The following DNMT1 variants were observed in gnomAD, a reference collection of about 807,000 sequenced individuals.
DNMT1 encodes the protein DNA methyltransferase 1.
Under a neutral mutation model 205.3 loss-of-function variants are expected in DNMT1, and 24 were observed. The ratio of observed to expected loss-of-function variants is 0.12; its 90% CI spans 0.08 to 0.16. The LOEUF is 0.16. DNMT1 is among the 10% of genes least tolerant of loss of function. The probability of loss-of-function intolerance (pLI) is 1.00; values close to 1 mark genes in which losing one functional copy is unlikely to be tolerated. For missense variants in DNMT1, 1,293 were observed against 2,177.7 expected (o/e 0.59, Z 8.09); for synonymous variants, 817 against 839.8 (o/e 0.97, Z 0.47).
At position 10,135,826 on chromosome 19, in the gene DNMT1, G is replaced by T; in HGVS notation, c.4683C>A (p.His1561Gln). Residue 1561 changes from histidine to glutamine, a missense_variant, in exon 39 of 41, where the codon CAC becomes CAA. Physicochemically the swap from His to Gln is conservative, Grantham distance 24. Transcript: ENST00000359526. ...CACACTCCCGCACGCTCACCACACG[G>T]TGCTGCTCTGGGTGGAGCACGCGGC... ...KQGRVLHPEQ[H>Q]RVVSVRECAR... 6.4e-7 allele frequency: 1 copy of T among 1,564,366 alleles called. No homozygotes were observed. Among genetic ancestry groups the T allele is most frequent in the Non-Finnish European group, 8.6e-7 (1 of 1,156,868 alleles).
At chr19:10,194,772 G>T (rs1259137056) in intron 1 of DNMT1, 48 bp downstream of exon 1, 1 of 1,567,930 alleles carries the variant, frequency 6.4e-7, no homozygotes. Context: ...CCCCCACCCA[G>T]CGCCCTGCCT....
At chr19:10,184,860 G>C (rs959229956) in intron 1 of DNMT1, among the ~76,000 whole-genome samples, 1 of 152,226 alleles carries the variant, frequency 6.6e-6, no homozygotes, top group African/African-American at 2.4e-5. Flanking sequence ...CGCACAGACA[G>C]GTGCTCAGTT....
chr19:10,163,169 C>A (rs1173927085), intron 12 of DNMT1, among the ~76,000 whole-genome samples, 157 bp downstream of exon 12: 1 of 151,856 alleles, frequency 6.6e-6, no homozygotes, highest in Non-Finnish European at 1.5e-5. Flanking sequence ...ACCATGTTGG[C>A]CAGGCTAGGC....
chr19:10,148,246 C>G (rs896222491), intron 27 of DNMT1, among the ~76,000 whole-genome samples: 1 of 151,142 alleles, frequency 6.6e-6, no homozygotes, highest in Non-Finnish European at 1.5e-5. Flanking sequence ...CCTGTAATCC[C>G]AGCACTTTGG....
chr19:10,146,212 G>C lies in DNMT1; in HGVS notation c.2894+139C>G. ...TCTACACGATTTATGTTGTCTGTTTGCCACCTATGCCAACGTGACGGCTAG... is the reference window on the plus strand; with the variant it reads ...TCTACACGATTTATGTTGTCTGTTTCCCACCTATGCCAACGTGACGGCTAG... On this transcript the variant is annotated intron_variant, in intron 28 of 40. Transcript: ENST00000359526. This position sits in a 1 kb window ranked among gnomAD's most constrained non-coding sequence, Gnocchi z 4.4. 1 of 984,136 alleles carries C rather than the reference G, an allele frequency of 1.0e-6. No individual in the cohort carries two copies. Among genetic ancestry groups the C allele is most frequent in the Non-Finnish European group, 1.5e-6 (1 of 670,810 alleles). The allele number at this position is 984,136 out of a possible 1,614,324, so 61.0% of individuals were successfully genotyped here.
chr19:10,173,052 A>G, intron 9 of DNMT1, 38 bp downstream of exon 9: 1 of 1,611,694 alleles, frequency 6.2e-7, no homozygotes, highest in South Asian at 1.1e-5. Context: ...TATAGGATTA[A>G]GGGAGAATTA....
rs759105100 is a variant in DNMT1, at chr19:10,138,623, G to C, written c.3949-18C>G. On this transcript the variant is annotated intron_variant, in intron 34 of 40. Transcript: ENST00000359526. The surrounding 1 kb of genome is among the most constrained non-coding windows in gnomAD (Gnocchi z 4.1). The stretch of plus-strand genomic sequence containing the variant: ...TGACCGGCCTGTGGGGGAGAAGGAC[G>C]GACAACCCCACCGTCAGTGGGACAC... 1.2e-4 allele frequency: 194 copies of C among 1,598,008 alleles called. No individual in the cohort carries two copies. The highest frequency in any genetic ancestry group is 1.6e-4 in the Non-Finnish European group (184 of 1,179,072).
At chr19:10,163,504 G>C in intron 11 of DNMT1, 144 bp from the exon 12 acceptor site, 1 of 800,088 alleles carries the variant, frequency 1.2e-6, no homozygotes, top group Non-Finnish European at 2.1e-6. Context: ...GGCCTGGGCA[G>C]ATCTACCGGG....
rs530618949 is a variant in DNMT1, at chr19:10,164,404, A to G, written c.892-1044T>C. ...GTGATCCGCCCACCTCAGTGTCCCA[A>G]AATGCTGGGATTATAGGCGTGAGAC... On this transcript the variant is annotated intron_variant, in intron 11 of 40. Transcript: ENST00000359526. Among the ~76,000 whole-genome samples the G allele has an allele frequency of 8.1e-4, 124 of 152,270 alleles. 2 individuals carry two copies. The highest frequency in any genetic ancestry group is 2.7e-3 in the African/African-American group (114 of 41,574).
rs965886119 is a variant in DNMT1 at position 10,139,824 on chromosome 19, G to C, written c.3807-7C>G. On this transcript the variant is annotated splice_polypyrimidine_tract_variant and splice_region_variant and intron_variant, in intron 33 of 40. Coordinates refer to ENST00000359526, the MANE Select transcript of DNMT1 (RefSeq NM_001130823.3). Reference sequence around the variant, plus strand: ...CCGGTAGTAGTCGCAGTAGCTGTAGGGGGCAGGAGAGACTGCAGGAGTCAC... The same window carrying C: ...CCGGTAGTAGTCGCAGTAGCTGTAGCGGGCAGGAGAGACTGCAGGAGTCAC... The C allele has an allele frequency of 1.0e-5, 16 of 1,572,098 alleles. No homozygotes were observed. The highest frequency in any genetic ancestry group is 1.2e-5 in the Non-Finnish European group (14 of 1,158,482).
At position 10,133,739 on chromosome 19, in the gene DNMT1, AC is replaced by A; in HGVS notation, c.4865-39del. On this transcript the variant is annotated intron_variant, in intron 40 of 40. Transcript: ENST00000359526. The surrounding 1 kb of genome is among the most constrained non-coding windows in gnomAD (Gnocchi z 4.1). ...AAAAGGAAAAGTCACTCTGGGGAAC[AC>A]GCCCGGTGTCACGCCACTTGACAGG... 1 of 1,567,734 alleles carries A rather than the reference AC, an allele frequency of 6.4e-7. No homozygotes were observed.
In DNMT1 at chr19:10,177,360, A is replaced by C; in HGVS notation, c.501T>G (p.Pro167=). ...TCCTTGTAATCCTGGGGCTAGGTGA[A>C]GGTTCAGCTGTTTAAAGAAGAAAAA... ...ASQVTGIRAE[P]SPSPRITRKS... is the part of the protein sequence containing the mutation. The change falls in exon 6 of 41, where the codon CCT becomes CCG. Residue 167 remains proline (P), a synonymous_variant. Transcript: ENST00000359526. 6.2e-7 allele frequency: 1 copy of C among 1,613,416 alleles called. No homozygotes were observed. The highest frequency in any genetic ancestry group is 8.5e-7 in the Non-Finnish European group (1 of 1,179,706).
intron 1 of DNMT1, among the ~76,000 whole-genome samples, chr19:10,192,440 A>G (rs1358919157): frequency 9.2e-5 from 14 of 151,976 alleles, no homozygotes; most frequent in Admixed American, 9.2e-4. Flanking sequence ...GTTTAAGGTC[A>G]TTGAGCCAGT....
At chr19:10,173,328 T>C (rs566744439) in intron 8 of DNMT1, among the ~76,000 whole-genome samples, 154 bp from the exon 9 acceptor site, 4 of 152,136 alleles carry the variant, frequency 2.6e-5, no homozygotes, top group Non-Finnish European at 5.9e-5. Context: ...GTATTTGATA[T>C]GACTTTTACA....
At chr19:10,172,786 T>C (rs2038849167) in intron 9 of DNMT1, among the ~76,000 whole-genome samples, 1 of 152,040 alleles carries the variant, frequency 6.6e-6, no homozygotes, top group African/African-American at 2.4e-5. Flanking sequence ...CTGTACTCAT[T>C]CCAGCCTGGG....
chr19:10,158,346 TAGA>T (rs1158319271), intron 17 of DNMT1, among the ~76,000 whole-genome samples: 10 of 151,934 alleles, frequency 6.6e-5, no homozygotes, highest in Non-Finnish European at 1.3e-4. Flanking sequence ...AAGGATCCCA[TAGA>T]AGGAGAGGGA....
intron 11 of DNMT1, 102 bp from the exon 12 acceptor site, chr19:10,163,462 G>T: frequency 1.6e-6 from 2 of 1,254,198 alleles, no homozygotes; most frequent in Non-Finnish European, 1.2e-6. Flanking sequence ...ACAGGTTAGG[G>T]ATCCCAGCAC....
In DNMT1 at chr19:10,133,735, G is replaced by A. The variant is rs767795496; in HGVS notation, c.4865-34C>T. ...AAATAAAAGGAAAAGTCACTCTGGG[G>A]AACACGCCCGGTGTCACGCCACTTG... On this transcript the variant is annotated intron_variant, in intron 40 of 40. Transcript: ENST00000359526. This position sits in a 1 kb window ranked among gnomAD's most constrained non-coding sequence, Gnocchi z 4.1. 1 of 1,569,708 alleles carries A rather than the reference G, an allele frequency of 6.4e-7. No individual in the cohort carries two copies. The highest frequency in any genetic ancestry group is 1.2e-5 in the South Asian group (1 of 85,492).
At position 10,185,733 on chromosome 19, in the gene DNMT1, G is replaced by A. The variant is rs2039165181; in HGVS notation, c.81-3656C>T. Among the ~76,000 whole-genome samples the A allele has an allele frequency of 2.0e-5, 3 of 151,824 alleles. No homozygotes were observed. The South Asian group carries it at 6.2e-4, about 32-fold the overall frequency. On this transcript the variant is annotated intron_variant, in intron 1 of 40. Coordinates refer to ENST00000359526, the MANE Select transcript of DNMT1 (RefSeq NM_001130823.3). ...TGGTACCAGCTACTTGGGAGGCTGA[G>A]GTGGGAGGATCGCTTGAGCCTGGGA...
Sources: allele counts gnomAD v4.1 joint callset (sites outside exome capture counted in the v4.1 genomes callset), GRCh38; gene constraint gnomAD v4.1.1; non-coding constraint Gnocchi (gnomAD v3.1); transcripts MANE v1.5; gene names NCBI Gene and HGNC (gene_info 2026-07-23, HGNC 2026-07-21).